ZFX: variants seen among roughly 807,000 people sequenced by gnomAD.
ZFX encodes the protein zinc finger protein X-linked, also known as zinc finger X-chromosomal protein.
For synonymous variants in ZFX, 196 were observed against 226.8 expected (o/e 0.86, Z 1.22); for missense variants, 362 against 628.3 (o/e 0.58, Z 4.53).
intron 3 of ZFX, among the ~76,000 whole-genome samples, chrX:24,170,436 T>C (rs975029205): frequency 7.3e-4 from 79 of 108,716 alleles, no homozygotes; most frequent in Middle Eastern, 4.8e-3. Flanking sequence ...GGATTACAGA[T>C]GTGAGCCACC....
intron 3 of ZFX, among the ~76,000 whole-genome samples, chrX:24,155,828 T>A (rs1272754067): frequency 8.9e-6 from 1 of 112,839 alleles, no homozygotes; most frequent in East Asian, 2.7e-4. Context: ...ATTAATTGCT[T>A]GTGCATACCT....
rs899920524 is a variant in ZFX at position 24,202,717 on chromosome X, C to G, written c.647-4609C>G. Among the ~76,000 whole-genome samples, 5 of 112,196 alleles carry G rather than the reference C, an allele frequency of 4.5e-5. No individual in the cohort carries two copies. The South Asian group carries it at 1.1e-3, about 25-fold the overall frequency. ...AGATTCTCACTGCATGATGGCAAAG[C>G]TTAGTTAACACAGTTGAGGGCTCCC... On this transcript the variant is annotated intron_variant, in intron 5 of 9. Coordinates refer to ENST00000304543, the MANE Select transcript of ZFX (RefSeq NM_003410.4).
At chrX:24,208,464 A>T in intron 8 of ZFX, 94 bp downstream of exon 8, 1 of 1,017,579 alleles carries the variant, frequency 9.8e-7, no homozygotes, top group Non-Finnish European at 1.3e-6. Context: ...AGGTTTCAGA[A>T]GTCTGAAATA....
chrX:24,210,766 T>C lies in ZFX; in HGVS notation c.1808T>C (p.Met603Thr). 1.5e-5 allele frequency: 18 copies of C among 1,211,678 alleles called. No homozygotes were observed. The highest frequency in any genetic ancestry group is 2.0e-5 in the Non-Finnish European group (18 of 895,503). Residue 603 changes from methionine to threonine, a missense_variant, in exon 10 of 10, where the codon ATG (methionine) becomes ACG (threonine). Transcript: ENST00000304543. ...GTCAAAACTAAGCATAGTAAAGAGA[T>C]GCCATTCAAGTGTGACATTTGTCTT... ...THVKTKHSKE[M>T]PFKCDICLLT... is the part of the protein sequence containing the mutation.
intron 5 of ZFX, among the ~76,000 whole-genome samples, chrX:24,196,481 AT>A (rs200292915): frequency 0.011 from 1,223 of 112,634 alleles, 24 homozygotes; most frequent in African/African-American, 0.037. Flanking sequence ...TGCTTACATT[AT>A]TTTGATTGTG....
intron 3 of ZFX, among the ~76,000 whole-genome samples, chrX:24,156,396 C>A (rs180798838): frequency 1.8e-5 from 2 of 110,869 alleles, no homozygotes; most frequent in East Asian, 5.6e-4. Flanking sequence ...TCTTCCCTTA[C>A]CCCAAGGTTG....
intron 5 of ZFX, among the ~76,000 whole-genome samples, chrX:24,186,924 A>G (rs1936163013): frequency 8.9e-6 from 1 of 112,154 alleles, no homozygotes; most frequent in Admixed American, 9.5e-5. Context: ...ATATTTGTTG[A>G]ATAAGTGAAT....
chrX:24,173,513 G>A, intron 4 of ZFX: 1 of 1,056,511 alleles, frequency 9.5e-7, no homozygotes, highest in Non-Finnish European at 1.2e-6. Context: ...AAAAAAAACA[G>A]TATTAGAAAA....
In ZFX at chrX:24,211,393, C is replaced by A. The variant is rs768047147; in HGVS notation, c.*17C>A. 8 of 1,205,568 alleles carry A rather than the reference C, an allele frequency of 6.6e-6. No individual in the cohort carries two copies. In the African/African-American group the frequency reaches 1.4e-4, roughly 21 times the overall value. On this transcript the variant is annotated 3_prime_UTR_variant, in exon 10 of 10. Transcript: ENST00000304543. Reference sequence around the variant, plus strand: ...CTGCCCTAACAATACTTCTACAGAACGTTTGTAGAGATATTGGCCTTGAAG... The same window carrying A: ...CTGCCCTAACAATACTTCTACAGAAAGTTTGTAGAGATATTGGCCTTGAAG...
chrX:24,187,109 T>G (rs776325865), intron 5 of ZFX, among the ~76,000 whole-genome samples: 4 of 111,671 alleles, frequency 3.6e-5, no homozygotes, highest in Non-Finnish European at 7.5e-5. Flanking sequence ...TGAGATGAGA[T>G]CTCACCGTGT....
intron 5 of ZFX, among the ~76,000 whole-genome samples, chrX:24,186,213 T>C (rs1383345986): frequency 9.0e-6 from 1 of 111,301 alleles, no homozygotes; most frequent in Non-Finnish European, 1.9e-5. Flanking sequence ...TCTACTCTCT[T>C]CTTTAAAAAT....
At chrX:24,150,410 C>T (rs1197054870) in intron 1 of ZFX, 1 of 112,165 alleles carries the variant, frequency 8.9e-6, no homozygotes, top group Non-Finnish European at 1.9e-5. Context: ...GGGGCGTGCT[C>T]GCTCCCCGTG....
At chrX:24,204,616 T>C (rs1937513032) in intron 5 of ZFX, among the ~76,000 whole-genome samples, 1 of 112,121 alleles carries the variant, frequency 8.9e-6, no homozygotes, top group Non-Finnish European at 1.9e-5. Context: ...AAAGAAAGCA[T>C]GTTTAGATAG....
At chrX:24,164,520 A>G (rs2147379301) in intron 3 of ZFX, among the ~76,000 whole-genome samples, 1 of 112,247 alleles carries the variant, frequency 8.9e-6, no homozygotes, top group African/African-American at 3.2e-5. Context: ...AAGCAATAAT[A>G]GTAAGTATGC....
chrX:24,208,452 T>C, intron 8 of ZFX, 82 bp downstream of exon 8: 1 of 1,122,333 alleles, frequency 8.9e-7, no homozygotes, highest in Non-Finnish European at 1.2e-6. Flanking sequence ...TTCTGTGGTC[T>C]TAGGTTTCAG....
At chrX:24,173,200 TAGAC>T (rs991410085) in intron 4 of ZFX, among the ~76,000 whole-genome samples, 1 of 112,307 alleles carries the variant, frequency 8.9e-6, no homozygotes, top group Admixed American at 9.5e-5. Flanking sequence ...GCCTACCACA[TAGAC>T]AGGCTCTACG....
Position 24,212,568 on chromosome X carries a change from T to A in ZFX, c.*1192T>A, listed in dbSNP as rs1938169593. The A allele has an allele frequency of 8.9e-6, 1 of 112,478 alleles. No individual in the cohort carries two copies. The highest frequency in any genetic ancestry group is 3.7e-4 in the South Asian group (1 of 2,685). 9.3% of individuals were successfully genotyped at this position (112,478 alleles called of 1,213,427 possible). A position where few individuals can be genotyped will look rare whatever the true frequency, so the allele number is the denominator to read the frequency against. Reference sequence around the variant, plus strand: ...AATTTCACCTCCATGTCTTTATGTTTTTCTGAAAAGCAAATGAGTATCCAG... The same window carrying A: ...AATTTCACCTCCATGTCTTTATGTTATTCTGAAAAGCAAATGAGTATCCAG... On this transcript the variant is annotated 3_prime_UTR_variant, in exon 10 of 10. Transcript: ENST00000304543.
chrX:24,204,920 C>T (rs1009161146), intron 5 of ZFX, among the ~76,000 whole-genome samples: 1 of 112,104 alleles, frequency 8.9e-6, no homozygotes, highest in African/African-American at 3.2e-5. Context: ...AAAATACTCA[C>T]CTGTTTACTT....
chrX:24,210,222 T>C lies in ZFX; in HGVS notation c.1264T>C (p.Leu422=). 1 of 1,211,974 alleles carries C rather than the reference T, an allele frequency of 8.3e-7. No individual in the cohort carries two copies. Among genetic ancestry groups the C allele is most frequent in the Non-Finnish European group, 1.1e-6 (1 of 895,626 alleles). The change falls in exon 10 of 10, where the codon TTG becomes CTG. Residue 422 remains leucine (L), a synonymous_variant. Transcript: ENST00000304543. The part of the protein sequence containing the change: ...AIIIGPDGHP[L]TVYPCMICGK... Reference sequence around the variant, plus strand: ...AATTATTGGCCCTGATGGACATCCTTTGACTGTCTATCCTTGCATGATTTG... The same window carrying C: ...AATTATTGGCCCTGATGGACATCCTCTGACTGTCTATCCTTGCATGATTTG...
Sources: allele counts gnomAD v4.1 joint callset (sites outside exome capture counted in the v4.1 genomes callset), GRCh38; gene constraint gnomAD v4.1.1; transcripts MANE v1.5; gene names NCBI Gene and HGNC (gene_info 2026-07-23, HGNC 2026-07-21).